EPHA6: variants seen among roughly 807,000 people sequenced by gnomAD.
EPHA6 encodes the protein EPH receptor A6.
A neutral mutation model predicts 112.0 loss-of-function variants in EPHA6; 50 were observed. That is an observed-to-expected ratio of 0.45 (90% CI 0.36 to 0.56). EPHA6 has a LOEUF of 0.56. Ranked by LOEUF, EPHA6 falls within the 20% of genes least tolerant of loss-of-function variation. EPHA6 has a pLI of 0.00. For missense variants in EPHA6, 1,280 were observed against 1,417.4 expected, an observed-to-expected ratio of 0.90 and a Z score of 1.56; for synonymous variants, 529 against 490.7, an observed-to-expected ratio of 1.08 and a Z score of -1.03.
intron 3 of EPHA6, among the ~76,000 whole-genome samples, chr3:97,196,088 T>TTTAAGAG (rs1298097499): frequency 1.3e-5 from 2 of 151,740 alleles, no homozygotes; most frequent in Non-Finnish European, 2.9e-5. Flanking sequence ...TCTCTCTCTC[T>TTTAAGAG]ATCCCCTCTT....
intron 3 of EPHA6, among the ~76,000 whole-genome samples, chr3:97,055,017 A>G (rs958324072): frequency 6.6e-6 from 1 of 151,902 alleles, no homozygotes; most frequent in African/African-American, 2.4e-5. Flanking sequence ...CCTGATTCGT[A>G]GTAGTGGAAT....
At chr3:97,242,323 T>C (rs2078871097) in intron 4 of EPHA6, among the ~76,000 whole-genome samples, 1 of 151,822 alleles carries the variant, frequency 6.6e-6, no homozygotes. Flanking sequence ...GCCAGTTCCA[T>C]GGTTATTTCA....
At chr3:97,184,253 T>C (rs1376400075) in intron 3 of EPHA6, among the ~76,000 whole-genome samples, 1 of 152,146 alleles carries the variant, frequency 6.6e-6, no homozygotes, top group Non-Finnish European at 1.5e-5. Flanking sequence ...TTCTGCATCC[T>C]GGAAGCAACT....
intron 1 of EPHA6, among the ~76,000 whole-genome samples, chr3:96,866,603 A>G (rs1011993560): frequency 6.6e-6 from 1 of 151,844 alleles, no homozygotes; most frequent in African/African-American, 2.4e-5. Context: ...AAAAATATAC[A>G]TACTTTAATT....
At chr3:97,301,408 G>A (rs540850858) in intron 5 of EPHA6, among the ~76,000 whole-genome samples, 119 of 152,064 alleles carry the variant, frequency 7.8e-4, no homozygotes, top group Non-Finnish European at 1.3e-3. Context: ...CAAACACATA[G>A]TTCTTACTAT....
chr3:97,394,160 A>C (rs1484503439), intron 5 of EPHA6, among the ~76,000 whole-genome samples: 3 of 151,886 alleles, frequency 2.0e-5, no homozygotes, highest in African/African-American at 7.2e-5. Context: ...AAGAACAAAA[A>C]CTGGAGAAAG....
At chr3:97,535,940 T>C (rs1328538946) in intron 11 of EPHA6, among the ~76,000 whole-genome samples, 4 of 152,156 alleles carry the variant, frequency 2.6e-5, no homozygotes, top group African/African-American at 7.2e-5. Flanking sequence ...GGCATTATTT[T>C]AAACTTAAAA....
chr3:97,380,523 C>T (rs2085664224), intron 5 of EPHA6, among the ~76,000 whole-genome samples: 1 of 152,102 alleles, frequency 6.6e-6, no homozygotes, highest in African/African-American at 2.4e-5. Context: ...GGGAAATGTG[C>T]CACAAGACTT....
chr3:97,576,234 C>T (rs970639009), intron 11 of EPHA6, among the ~76,000 whole-genome samples: 3 of 152,050 alleles, frequency 2.0e-5, no homozygotes, highest in African/African-American at 7.2e-5. Flanking sequence ...TCTATCTAAA[C>T]ATCCTATAAA....
At chr3:96,886,614 T>C (rs1444860833) in intron 2 of EPHA6, among the ~76,000 whole-genome samples, 1 of 152,198 alleles carries the variant, frequency 6.6e-6, no homozygotes, top group Non-Finnish European at 1.5e-5. Context: ...AGTTGGTTGG[T>C]GAGTTCTTAT....
Position 97,265,742 on chromosome 3 carries a change from G to T in EPHA6, c.1606+21455G>T, listed in dbSNP as rs193168885. Reference sequence around the variant, plus strand: ...CACAGCCTGTGGTGGGGTTCCCACCGCTGCCACTGCTGCTCCTGCAGCCAC... The same window carrying T: ...CACAGCCTGTGGTGGGGTTCCCACCTCTGCCACTGCTGCTCCTGCAGCCAC... On this transcript the variant is annotated intron_variant, in intron 5 of 17. Coordinates refer to ENST00000389672, the MANE Select transcript of EPHA6 (RefSeq NM_001080448.3). Among the ~76,000 whole-genome samples, 78 of 152,306 alleles carry T rather than the reference G, an allele frequency of 5.1e-4. No individual in the cohort carries two copies. The East Asian group carries it at 8.1e-3, about 16-fold the overall frequency.
intron 3 of EPHA6, among the ~76,000 whole-genome samples, chr3:97,162,981 C>G (rs80331884): frequency 0.013 from 2,013 of 152,266 alleles, 30 homozygotes; most frequent in African/African-American, 0.045. Context: ...TGGTTGAGTG[C>G]TGTGTATCAG....
Position 97,194,276 on chromosome 3 carries a change from A to T in EPHA6, c.1115-31988A>T, listed in dbSNP as rs369884617. The stretch of plus-strand genomic sequence containing the variant: ...TGAAATATGTTTTGTTTTCATTTTC[A>T]TTTTTTTTCAAGAAATTTTACAATT... On this transcript the variant is annotated intron_variant, in intron 3 of 17. Coordinates refer to ENST00000389672, the MANE Select transcript of EPHA6 (RefSeq NM_001080448.3). Among the ~76,000 whole-genome samples the T allele has an allele frequency of 4.3e-3, 642 of 149,298 alleles. 3 individuals carry two copies. The highest frequency in any genetic ancestry group is 0.015 in the African/African-American group (596 of 40,636).
chr3:97,609,002 G>A (rs992444316), intron 12 of EPHA6, among the ~76,000 whole-genome samples: 1 of 151,306 alleles, frequency 6.6e-6, no homozygotes. Flanking sequence ...AATAATTATG[G>A]CATGTAGCAA....
At chr3:96,840,724 GC>G (rs1484263740) in intron 1 of EPHA6, among the ~76,000 whole-genome samples, 2 of 152,066 alleles carry the variant, frequency 1.3e-5, no homozygotes, top group African/African-American at 2.4e-5. Context: ...CTGATTACCG[GC>G]CGGTGTCTTG....
At chr3:97,657,320 A>T (rs2094143048) in intron 14 of EPHA6, among the ~76,000 whole-genome samples, 1 of 151,778 alleles carries the variant, frequency 6.6e-6, no homozygotes. Flanking sequence ...TAAATTTGAT[A>T]GAACCAAGTT....
chr3:97,445,050 G>A lies in EPHA6; in HGVS notation c.1732-3518G>A, dbSNP rs138318445. 3.3e-5 allele frequency among the ~76,000 whole-genome samples: 5 copies of A among 152,064 alleles called. No individual in the cohort carries two copies. In the East Asian group the frequency reaches 5.8e-4, roughly 18 times the overall value. On this transcript the variant is annotated intron_variant, in intron 6 of 17. Coordinates refer to ENST00000389672, the MANE Select transcript of EPHA6 (RefSeq NM_001080448.3). Reference sequence around the variant, plus strand: ...CCTGCCCTGTTTGACAGTGCTCTACGTTCACACTATTTGGTTCCAAACTAT... The same window carrying A: ...CCTGCCCTGTTTGACAGTGCTCTACATTCACACTATTTGGTTCCAAACTAT...
chr3:97,097,317 G>A (rs4857238), intron 3 of EPHA6, among the ~76,000 whole-genome samples: 12,980 of 151,622 alleles, frequency 0.086, 889 homozygotes, highest in Admixed American at 0.21. Context: ...TGACAACATT[G>A]CTATATTTTG....
intron 3 of EPHA6, among the ~76,000 whole-genome samples, chr3:97,016,814 C>A (rs1250001446): frequency 2.0e-5 from 3 of 152,134 alleles, no homozygotes; most frequent in African/African-American, 7.2e-5. Flanking sequence ...CTGCAGTATC[C>A]ACTCTTTTGC....
Sources: gnomAD v4.1 joint callset for allele counts (sites outside exome capture counted in the v4.1 genomes callset) on GRCh38, gnomAD v4.1.1 for gene constraint, MANE v1.5 for transcripts, NCBI Gene and HGNC (gene_info 2026-07-23, HGNC 2026-07-21) for gene names.